Variants in QTGAL observed in about 807,000 individuals in gnomAD.
The protein encoded by QTGAL is BGnT-like protein 1.
At chr17:82,950,790 C>A in the QTGAL span, among the ~76,000 whole-genome samples, 4 of 152,182 alleles carry the variant, frequency 2.6e-5, no homozygotes, top group African/African-American at 7.2e-5. Flanking sequence ...AATGAGCAGT[C>A]GTATTTTGAA....
the QTGAL span, chr17:83,006,946 A>ATGCATCACTGAGG: frequency 1.9e-6 from 1 of 539,006 alleles, no homozygotes; most frequent in Non-Finnish European, 2.4e-6. This position sits in a 1 kb window ranked among gnomAD's most constrained non-coding sequence, Gnocchi z 5.8. Flanking sequence ...TCTCACCCTC[A>ATGCATCACTGAGG]GTGATGCATG....
At chr17:83,044,979 A>G in the QTGAL span, among the ~76,000 whole-genome samples, 1 of 152,206 alleles carries the variant, frequency 6.6e-6, no homozygotes. Flanking sequence ...AAATTGTAAA[A>G]GGAGAAGCAA....
chr17:83,044,349 G>GT, the QTGAL span, among the ~76,000 whole-genome samples: 5 of 152,088 alleles, frequency 3.3e-5, no homozygotes, highest in Admixed American at 1.3e-4. Context: ...ATCAATCAAC[G>GT]TAACATACCA....
chr17:82,998,409 A>G, the QTGAL span, among the ~76,000 whole-genome samples: 1,847 of 152,316 alleles, frequency 0.012, 43 homozygotes, highest in African/African-American at 0.042. Context: ...GCAGTGGCAC[A>G]ATCTCGGCTC....
the QTGAL span, among the ~76,000 whole-genome samples, chr17:82,966,411 A>G: frequency 2.0e-5 from 3 of 152,184 alleles, no homozygotes; most frequent in Non-Finnish European, 4.4e-5. Context: ...AGCCAGCACA[A>G]TTTTGAAAAC....
the QTGAL span, chr17:83,035,002 T>C: frequency 6.6e-7 from 1 of 1,519,990 alleles, no homozygotes; most frequent in Non-Finnish European, 9.1e-7. Context: ...CATGTACACA[T>C]TTATACATTA....
the QTGAL span, among the ~76,000 whole-genome samples, chr17:82,977,335 G>A: frequency 6.6e-6 from 1 of 152,230 alleles, no homozygotes; most frequent in South Asian, 2.1e-4. Context: ...GGAACCCCAT[G>A]AACAGTAACA....
the QTGAL span, among the ~76,000 whole-genome samples, chr17:82,958,844 TAC>T: frequency 6.3e-5 from 8 of 126,018 alleles, no homozygotes; most frequent in South Asian, 5.6e-4. Flanking sequence ...TGTGTGTGTG[TAC>T]ACTGGGGGTG....
the QTGAL span, among the ~76,000 whole-genome samples, chr17:83,008,713 C>T: frequency 5.3e-5 from 8 of 152,200 alleles, no homozygotes; most frequent in Non-Finnish European, 4.4e-5. Context: ...CACCATGCTG[C>T]GAGGAAGCCT....
chr17:82,967,154 AAAC>A, the QTGAL span, among the ~76,000 whole-genome samples: 8 of 152,236 alleles, frequency 5.3e-5, no homozygotes, highest in Non-Finnish European at 1.2e-4. Context: ...CCTTGTTTCC[AAAC>A]AACGCCCACA....
chr17:83,031,754 A>G, the QTGAL span, among the ~76,000 whole-genome samples: 1 of 152,366 alleles, frequency 6.6e-6, no homozygotes, highest in East Asian at 1.9e-4. Flanking sequence ...CATGAGCAAA[A>G]GGTGAAGATC....
the QTGAL span, among the ~76,000 whole-genome samples, chr17:82,990,556 T>A: frequency 6.6e-6 from 1 of 152,266 alleles, no homozygotes; most frequent in African/African-American, 2.4e-5. Context: ...CAACTTGAAA[T>A]TCACTTACAG....
At chr17:83,039,599 C>T in the QTGAL span, among the ~76,000 whole-genome samples, 1 of 147,394 alleles carries the variant, frequency 6.8e-6, no homozygotes, top group Non-Finnish European at 1.5e-5. Flanking sequence ...GCCCACCGCC[C>T]GCCCCTGTTC....
chr17:82,965,694 C>T, the QTGAL span: 10 of 1,612,330 alleles, frequency 6.2e-6, no homozygotes, highest in African/African-American at 8.0e-5. Flanking sequence ...GAACCACGCT[C>T]GCGAGCAGAA....
chr17:82,961,317 G>C, the QTGAL span: 1 of 1,291,578 alleles, frequency 7.7e-7, no homozygotes. Flanking sequence ...AACCGGTCTA[G>C]AGGCTCAACA....
At chr17:83,011,185 C>T in the QTGAL span, among the ~76,000 whole-genome samples, 6 of 152,322 alleles carry the variant, frequency 3.9e-5, no homozygotes, top group East Asian at 9.7e-4. Flanking sequence ...CAAGGGTCAG[C>T]CGGGGCGAGA....
the QTGAL span, chr17:83,014,641 A>G: frequency 2.8e-6 from 3 of 1,085,814 alleles, no homozygotes; most frequent in Non-Finnish European, 4.1e-6. Context: ...CTGCAGCCTC[A>G]AACTCCCGGC....
the QTGAL span, among the ~76,000 whole-genome samples, chr17:82,958,334 T>C: frequency 6.6e-6 from 1 of 152,136 alleles, no homozygotes; most frequent in Non-Finnish European, 1.5e-5. Context: ...GACCCTGCCC[T>C]GGCCGAGTCC....
At chr17:83,021,641 T>C in the QTGAL span, among the ~76,000 whole-genome samples, 1 of 152,178 alleles carries the variant, frequency 6.6e-6, no homozygotes, top group Non-Finnish European at 1.5e-5. Flanking sequence ...CTTGACCAGT[T>C]CATTCTAAAA....
Sources: allele counts gnomAD v4.1 joint callset (sites outside exome capture counted in the v4.1 genomes callset), GRCh38; gene constraint gnomAD v4.1.1; non-coding constraint Gnocchi (gnomAD v3.1); transcripts MANE v1.5; gene names NCBI Gene and HGNC (gene_info 2026-07-23, HGNC 2026-07-21).